ESR2: variants seen among roughly 807,000 people sequenced by gnomAD.
The protein encoded by ESR2 is estrogen receptor 2, also known as estrogen receptor beta.
A neutral mutation model predicts 49.6 loss-of-function variants in ESR2; 36 were observed. That is an observed-to-expected ratio of 0.73 (90% confidence interval 0.56 to 0.96). ESR2 has a LOEUF of 0.96. ESR2 is among the 40% of genes least tolerant of loss of function. ESR2 has a pLI of 0.00. For synonymous variants in ESR2, 320 were observed against 266.1 expected (o/e 1.20, Z -1.97); for missense variants, 714 against 693.0 (o/e 1.03, Z -0.34).
rs138670194 is a variant in ESR2, at chr14:64,250,568, T to G, written c.1092-889A>C. Among the ~76,000 whole-genome samples, 875 of 152,346 alleles carry G rather than the reference T, an allele frequency of 5.7e-3. 11 individuals carry two copies. The highest frequency in any genetic ancestry group is 0.02 in the African/African-American group (836 of 41,570). On this transcript the variant is annotated intron_variant, in intron 6 of 8. Transcript: ENST00000341099. ...TTATTGGAAGTCCTTGACAAGCAGT[T>G]AGATGATTTTGTCACAAAACCACCC... is the stretch of plus-strand genomic sequence containing the variant.
chr14:64,257,210 A>G lies in ESR2; in HGVS notation c.1091+16T>C. 1 of 1,611,988 alleles carries G rather than the reference A, an allele frequency of 6.2e-7. No homozygotes were observed. Among genetic ancestry groups the G allele is most frequent in the African/African-American group, 1.3e-5 (1 of 74,924 alleles). On this transcript the variant is annotated intron_variant, in intron 6 of 8. Coordinates refer to ENST00000341099, the MANE Select transcript of ESR2 (RefSeq NM_001437.3). ...TCAAACAAGTCAGAGAAGAAACACA[A>G]TGTATTTTTTCTCACCTGTCCAGAA... is the stretch of plus-strand genomic sequence containing the variant.
intron 3 of ESR2, among the ~76,000 whole-genome samples, chr14:64,273,210 A>G (rs1237359736): frequency 6.6e-6 from 1 of 152,116 alleles, no homozygotes; most frequent in Admixed American, 6.6e-5. Context: ...TAGATCTAAT[A>G]GTTTTTTGGT....
intron 6 of ESR2, among the ~76,000 whole-genome samples, chr14:64,254,429 C>G (rs2076055597): frequency 6.6e-6 from 1 of 151,940 alleles, no homozygotes; most frequent in South Asian, 2.1e-4. Flanking sequence ...TTCCAGACTT[C>G]AGAAAGTTAA....
chr14:64,252,174 A>G (rs978805353), intron 6 of ESR2, among the ~76,000 whole-genome samples: 2 of 152,084 alleles, frequency 1.3e-5, no homozygotes, highest in African/African-American at 4.8e-5. Flanking sequence ...TAAACCAGGC[A>G]TGGTAGCATA....
At chr14:64,235,332 T>C (rs188917162) in intron 7 of ESR2, among the ~76,000 whole-genome samples, 182 bp from the exon 8 acceptor site, 1 of 152,338 alleles carries the variant, frequency 6.6e-6, no homozygotes, top group Non-Finnish European at 1.5e-5. Context: ...GCCAGCCCCG[T>C]CACAGAGCTA....
chr14:64,287,232 C>T (rs556548724), intron 1 of ESR2, among the ~76,000 whole-genome samples: 13 of 152,298 alleles, frequency 8.5e-5, no homozygotes, highest in Admixed American at 5.9e-4. Flanking sequence ...CTGGCAACCA[C>T]CAGCCTACAT....
chr14:64,324,034 T>G (rs1312922569), intron 1 of ESR2, among the ~76,000 whole-genome samples: 1 of 152,198 alleles, frequency 6.6e-6, no homozygotes, highest in African/African-American at 2.4e-5. Context: ...CAATAAGTAT[T>G]GAATAAATGA....
At chr14:64,336,651 C>T (rs2077535554) in intron 1 of ESR2, 1 of 152,122 alleles carries the variant, frequency 6.6e-6, no homozygotes, top group South Asian at 2.1e-4. Context: ...TTGTCTCCAC[C>T]TAAACCTGTT....
In ESR2 at chr14:64,280,068, C is replaced by A. The variant is rs761435805; in HGVS notation, c.448G>T (p.Ala150Ser). The change falls in exon 3 of 9, where the codon GCT becomes TCT. Residue 150 changes from alanine (A) to serine (S), a missense_variant. Ala to Ser is a moderately conservative substitution (Grantham distance 99, BLOSUM62 1). Coordinates refer to ENST00000341099, the MANE Select transcript of ESR2 (RefSeq NM_001437.3). ...PGSKRDAHFC[A>S]VCSDYASGYH... Reference sequence around the variant, plus strand: ...CCCGATGCGTAATCGCTGCAGACAGCGCAGAAGTGAGCATCCCTCTTTGAA... The same window carrying A: ...CCCGATGCGTAATCGCTGCAGACAGAGCAGAAGTGAGCATCCCTCTTTGAA... 6.2e-7 allele frequency: 1 copy of A among 1,613,968 alleles called. No individual in the cohort carries two copies. The highest frequency in any genetic ancestry group is 1.3e-5 in the African/African-American group (1 of 74,920).
At chr14:64,318,389 T>G (rs2077282922) in intron 1 of ESR2, among the ~76,000 whole-genome samples, 1 of 151,064 alleles carries the variant, frequency 6.6e-6, no homozygotes, top group Non-Finnish European at 1.5e-5. Context: ...ATACAAAAAT[T>G]AGCCAGGCAT....
chr14:64,235,199 G>A, intron 7 of ESR2, 49 bp from the exon 8 acceptor site: 1 of 1,580,224 alleles, frequency 6.3e-7, no homozygotes, highest in South Asian at 1.1e-5. Flanking sequence ...CAAAGGAGCA[G>A]AAGTCGTGTG....
chr14:64,289,090 A>C (rs1295856814), intron 1 of ESR2, among the ~76,000 whole-genome samples: 1 of 151,790 alleles, frequency 6.6e-6, no homozygotes, highest in Non-Finnish European at 1.5e-5. Flanking sequence ...GCTCTGCCTG[A>C]AAGCCAGGCA....
At chr14:64,296,528 T>C (rs1456345315), upstream of ESR2, among the ~76,000 whole-genome samples, 2 of 152,246 alleles carry the variant, frequency 1.3e-5, no homozygotes, top group Non-Finnish European at 2.9e-5. Context: ...TATGGTCACA[T>C]GACCTATCAG....
intron 5 of ESR2, among the ~76,000 whole-genome samples, chr14:64,258,198 G>A (rs2076142936): frequency 7.0e-6 from 1 of 143,176 alleles, no homozygotes; most frequent in Non-Finnish European, 1.5e-5. Flanking sequence ...AACAGAGCGA[G>A]ACCCTGTCTC....
rs370476762 is a variant in ESR2 at position 64,329,716 on chromosome 14, C to T, written c.-91+8182G>A. Reference sequence around the variant, plus strand: ...TAAATGACTAATTACATATTTGGATCTTGCTTTGAATACTAATTGCTAGGG... The same window carrying T: ...TAAATGACTAATTACATATTTGGATTTTGCTTTGAATACTAATTGCTAGGG... On this transcript the variant is annotated intron_variant, in intron 1 of 8. Coordinates refer to the ESR2 transcript ENST00000358599. 27 of 152,330 alleles carry T rather than the reference C, an allele frequency of 1.8e-4. No individual in the cohort carries two copies. The East Asian group carries it at 4.4e-3, about 25-fold the overall frequency. 9.4% of individuals were successfully genotyped at this position (152,330 alleles called of 1,614,324 possible). A position where few individuals can be genotyped will look rare whatever the true frequency, so the allele number is the denominator to read the frequency against.
rs1489431102 is a variant in ESR2, at chr14:64,310,425, G to A, written c.-90-27350C>T. Among the ~76,000 whole-genome samples, 5 of 150,998 alleles carry A rather than the reference G, an allele frequency of 3.3e-5. No homozygotes were observed. The South Asian group carries it at 6.3e-4, about 19-fold the overall frequency. On this transcript the variant is annotated intron_variant, in intron 1 of 8. Coordinates refer to the ESR2 transcript ENST00000358599. ...TAACTATAAAGATTCTGTTCCAAAG[G>A]TAAAATTTTATGAGTGCAGTTTGCC...
At chr14:64,288,348 C>CT (rs10560135) in intron 1 of ESR2, among the ~76,000 whole-genome samples, 244 of 131,362 alleles carry the variant, frequency 1.9e-3, no homozygotes, top group Middle Eastern at 0.015. Context: ...AAAGACTACA[C>CT]TTTTTTTTTT....
intron 4 of ESR2, among the ~76,000 whole-genome samples, chr14:64,268,051 GTACAGACAAGTGAA>G (rs1177232334): frequency 6.6e-6 from 1 of 152,174 alleles, no homozygotes; most frequent in Non-Finnish European, 1.5e-5. Context: ...AAGCAAGTGA[GTACAGACAAGTGAA>G]CCAAAATCTA....
intron 3 of ESR2, among the ~76,000 whole-genome samples, chr14:64,271,110 CTT>C (rs200727109): frequency 6.8e-6 from 1 of 147,292 alleles, no homozygotes. Flanking sequence ...GATTTATCAT[CTT>C]TTTTTTTTTC....
Sources: allele counts gnomAD v4.1 joint callset (sites outside exome capture counted in the v4.1 genomes callset), GRCh38; gene constraint gnomAD v4.1.1; transcripts MANE v1.5; gene names NCBI Gene and HGNC (gene_info 2026-07-23, HGNC 2026-07-21).